DHRS1: variants seen among roughly 807,000 people sequenced by gnomAD.
DHRS1 encodes the protein dehydrogenase/reductase SDR family member 1.
Under a neutral mutation model 35.2 loss-of-function variants are expected in DHRS1, and 34 were observed. The ratio of observed to expected loss-of-function variants is 0.97; its 90% CI spans 0.74 to 1.29. DHRS1 has a LOEUF of 1.29. Ranked by LOEUF, DHRS1 falls within the 50% of genes most tolerant of loss-of-function variation. The probability of loss-of-function intolerance (pLI) is 0.00; values close to 1 mark genes in which losing one functional copy is unlikely to be tolerated. For missense variants in DHRS1, 354 were observed against 403.6 expected (o/e 0.88, Z 1.05); for synonymous variants, 133 against 160.0 (o/e 0.83, Z 1.27).
chr14:24,291,714 A>C, intron 6 of DHRS1, 89 bp from the exon 7 acceptor site: 1 of 1,314,566 alleles, frequency 7.6e-7, no homozygotes, highest in Non-Finnish European at 1.1e-6. Flanking sequence ...TCCAGGAGAA[A>C]AAGACCAAAG....
intron 2 of DHRS1, among the ~76,000 whole-genome samples, chr14:24,297,327 A>G (rs936940885): frequency 6.6e-6 from 1 of 152,108 alleles, no homozygotes; most frequent in Non-Finnish European, 1.5e-5. Flanking sequence ...CACTCCACCA[A>G]TGCTCCTGGT....
At chr14:24,293,045 A>C in intron 4 of DHRS1, 1 of 450,014 alleles carries the variant, frequency 2.2e-6, no homozygotes, top group Admixed American at 4.2e-5. Flanking sequence ...TAACAATTAC[A>C]AACAAAATTG....
rs892161579 is a variant in DHRS1 at position 24,299,008 on chromosome 14, T to G, written c.99A>C (p.Thr33=). The part of the protein sequence containing the change: ...IALQLCKAGA[T]VYITGRHLDT... ...CCAGATGGCGGCCAGTGATGTAAACTGTGGCGCCTGCTTTGCAGAGCTGCA... is the reference window on the plus strand; with the variant it reads ...CCAGATGGCGGCCAGTGATGTAAACGGTGGCGCCTGCTTTGCAGAGCTGCA... Residue 33 remains threonine, a synonymous_variant, in exon 2 of 9, where the codon ACA becomes ACC. Coordinates refer to ENST00000288111, the MANE Select transcript of DHRS1 (RefSeq NM_001136050.3). 2.5e-6 allele frequency: 4 copies of G among 1,614,028 alleles called. No homozygotes were observed. Among genetic ancestry groups the G allele is most frequent in the Non-Finnish European group, 3.4e-6 (4 of 1,179,870 alleles).
rs2041250111 is a variant in DHRS1, at chr14:24,296,505, C to T, written c.374+4G>A. 1 of 1,613,962 alleles carries T rather than the reference C, an allele frequency of 6.2e-7. No homozygotes were observed. Among genetic ancestry groups the T allele is most frequent in the Admixed American group, 1.7e-5 (1 of 59,998 alleles). On this transcript the variant is annotated splice_donor_region_variant and intron_variant, in intron 4 of 8. Transcript: ENST00000288111. ...AACATGGGTCCTGGCAGTGGAGCAC[C>T]CACCTGAGTCCGACGTTGTTGATAT...
intron 2 of DHRS1, among the ~76,000 whole-genome samples, chr14:24,298,475 T>G (rs2041300734): frequency 6.6e-6 from 1 of 152,204 alleles, no homozygotes; most frequent in African/African-American, 2.4e-5. Flanking sequence ...AGTAAATAAG[T>G]AAAAAATGTG....
chr14:24,295,409 G>A (rs1337419815), intron 4 of DHRS1, among the ~76,000 whole-genome samples: 2 of 152,222 alleles, frequency 1.3e-5, no homozygotes, highest in Non-Finnish European at 2.9e-5. Context: ...AACAAGTAGA[G>A]TTATAGTTTT....
At chr14:24,297,812 C>G (rs1416637667) in intron 2 of DHRS1, among the ~76,000 whole-genome samples, 1 of 152,188 alleles carries the variant, frequency 6.6e-6, no homozygotes, top group African/African-American at 2.4e-5. Flanking sequence ...AATGCTTTTC[C>G]TAACTTCCTT....
rs747329375 is a variant in DHRS1, at chr14:24,296,818, G to C, written c.214C>G (p.Arg72Gly). 1 of 1,614,078 alleles carries C rather than the reference G, an allele frequency of 6.2e-7. No individual in the cohort carries two copies. The highest frequency in any genetic ancestry group is 1.3e-5 in the African/African-American group (1 of 74,912). The change falls in exon 3 of 9, where the codon CGA (arginine) becomes GGA (glycine). Residue 72 changes from arginine to glycine, a missense_variant. By Grantham distance (125) the Arg-to-Gly change is moderately radical (BLOSUM62 -2). Coordinates refer to ENST00000288111, the MANE Select transcript of DHRS1 (RefSeq NM_001136050.3). ...CGATCCACTTGCTCAAACAGGCTTCGCACTTCACTCTCCTGGCTTGAATCG... is the reference window on the plus strand; with the variant it reads ...CGATCCACTTGCTCAAACAGGCTTCCCACTTCACTCTCCTGGCTTGAATCG... ...VCDSSQESEV[R>G]SLFEQVDREQ...
chr14:24,299,071 C>T lies in DHRS1; in HGVS notation c.36G>A (p.Val12=). Residue 12 remains valine, a synonymous_variant, in exon 2 of 9, where the codon GTG becomes GTA. Transcript: ENST00000288111. ...AAPMNGQVCV[V]TGASRGIGRG... ...GGCCAATACCCCTGGAGGCACCAGT[C>T]ACCACACACACTTGGCCATTCATGG... 1.9e-6 allele frequency: 3 copies of T among 1,613,974 alleles called. No individual in the cohort carries two copies. The highest frequency in any genetic ancestry group is 2.5e-6 in the Non-Finnish European group (3 of 1,179,904).
In DHRS1 at chr14:24,292,759, CA is replaced by C. The variant is rs977686271; in HGVS notation, c.399del (p.Tyr133Ter). 1 of 1,613,534 alleles carries C rather than the reference CA, an allele frequency of 6.2e-7. No individual in the cohort carries two copies. Among genetic ancestry groups the C allele is most frequent in the African/African-American group, 1.3e-5 (1 of 74,910 alleles). The stretch of plus-strand genomic sequence containing the variant: ...CCAGCTGGTACCATCAGCCGTGCCC[CA>C]TACACTGAGCAAAAGTAGTGGCCTC... ...GLRGHYFCSV[Y>X]GARLMVPAGQ... is the part of the protein sequence containing the mutation. On this transcript the variant is annotated frameshift_variant, in exon 5 of 9. Transcript: ENST00000288111. LOFTEE classifies it high-confidence loss of function.
At chr14:24,292,154 C>T in intron 6 of DHRS1, 30 bp downstream of exon 6, 1 of 1,613,908 alleles carries the variant, frequency 6.2e-7, no homozygotes, top group Non-Finnish European at 8.5e-7. Context: ...CTCCCCTGTT[C>T]TCTGCTTCCT....
chr14:24,299,069 G>A lies in DHRS1; in HGVS notation c.38C>T (p.Thr13Ile), dbSNP rs778981660. 5.6e-6 allele frequency: 9 copies of A among 1,614,022 alleles called. No individual in the cohort carries two copies. In the South Asian group the frequency reaches 8.8e-5, roughly 16 times the overall value. ...APMNGQVCVV[T>I]GASRGIGRGI... Reference sequence around the variant, plus strand: ...ACGGCCAATACCCCTGGAGGCACCAGTCACCACACACACTTGGCCATTCAT... The same window carrying A: ...ACGGCCAATACCCCTGGAGGCACCAATCACCACACACACTTGGCCATTCAT... Residue 13 changes from threonine (T) to isoleucine (I), a missense_variant, in exon 2 of 9, where the codon ACT (threonine) becomes ATT (isoleucine). Transcript: ENST00000288111.
intron 3 of DHRS1, 54 bp from the exon 4 acceptor site, chr14:24,296,642 G>C (rs1224715787): frequency 1.9e-6 from 3 of 1,613,278 alleles, no homozygotes; most frequent in Non-Finnish European, 2.5e-6. Flanking sequence ...GGTGTGAGGG[G>C]CTGGGTAATG....
chr14:24,290,967 CAA>C lies in DHRS1; in HGVS notation c.832_833del (p.Leu278GlufsTer33). 1 of 1,614,094 alleles carries C rather than the reference CAA, an allele frequency of 6.2e-7. No homozygotes were observed. The highest frequency in any genetic ancestry group is 8.5e-7 in the Non-Finnish European group (1 of 1,180,032). On this transcript the variant is annotated frameshift_variant, in exon 9 of 9. Transcript: ENST00000288111. LOFTEE classifies it high-confidence loss of function. ...DGRPVQDYLS[L>X]SSVLSHVSGL... is the part of the protein sequence containing the mutation. ...CGGACACGTGTGAGAGAACAGAGCT[CAA>C]AGACAAATAGTCTTGGACGGGGCGG... is the stretch of plus-strand genomic sequence containing the variant.
intron 6 of DHRS1, 37 bp from the exon 7 acceptor site, chr14:24,291,662 C>A (rs766081576): frequency 5.7e-6 from 9 of 1,590,678 alleles, no homozygotes; most frequent in Non-Finnish European, 7.8e-6. Context: ...GGGTTAATTT[C>A]CAAGAGCACT....
chr14:24,298,838 A>G (rs2041310078), intron 2 of DHRS1, 119 bp downstream of exon 2: 1 of 1,169,656 alleles, frequency 8.5e-7, no homozygotes, highest in Non-Finnish European at 1.1e-6. Context: ...CTTTGAATAA[A>G]TATTCACATC....
intron 2 of DHRS1, 117 bp downstream of exon 2, chr14:24,298,840 A>T (rs763959831): frequency 8.5e-7 from 1 of 1,180,854 alleles, no homozygotes. Context: ...TTGAATAAAT[A>T]TTCACATCTT....
chr14:24,291,246 G>A, intron 7 of DHRS1, 27 bp from the exon 8 acceptor site: 1 of 1,609,222 alleles, frequency 6.2e-7, no homozygotes, highest in Non-Finnish European at 8.5e-7. Context: ...AGGTGGAGAT[G>A]GCAGGCAGGG....
In DHRS1 at chr14:24,298,054, A is replaced by AT. The variant is rs879290154; in HGVS notation, c.150+902dup. On this transcript the variant is annotated intron_variant, in intron 2 of 8. Coordinates refer to ENST00000288111, the MANE Select transcript of DHRS1 (RefSeq NM_001136050.3). ...GAATCTATCTTCATTTTTAATTAAA[A>AT]TTTTTTTTTTTAGAGACAGGGTCTC... 5.1e-3 allele frequency among the ~76,000 whole-genome samples: 755 copies of AT among 148,294 alleles called. 1 individual carries two copies. The highest frequency in any genetic ancestry group is 7.3e-3 in the Non-Finnish European group (488 of 66,728).
Sources: allele counts gnomAD v4.1 joint callset (sites outside exome capture counted in the v4.1 genomes callset), GRCh38; gene constraint gnomAD v4.1.1; transcripts MANE v1.5; gene names NCBI Gene and HGNC (gene_info 2026-07-23, HGNC 2026-07-21).